The following TBC1D1 variants were observed in gnomAD, a reference collection of about 807,000 sequenced individuals.
TBC1D1 encodes the protein TBC1 domain family member 1, also known as TBC1 (tre-2/USP6, BUB2, cdc16) domain family, member 1.
In TBC1D1, 89 loss-of-function variants were observed where a neutral mutation model predicts 125.6. The ratio of observed to expected loss-of-function variants is 0.71; its 90% confidence interval spans 0.60 to 0.85. The LOEUF (loss-of-function observed/expected upper bound fraction) is 0.85, where lower values mean the gene tolerates loss of function less well. TBC1D1 is among the 40% of genes least tolerant of loss of function. The pLI is 0.00. For synonymous variants in TBC1D1, 565 were observed against 564.1 expected (o/e 1.00, Z -0.02); for missense variants, 1,377 against 1,469.2 (o/e 0.94, Z 1.03).
At chr4:38,067,028 C>T (rs920974371) in intron 12 of TBC1D1, among the ~76,000 whole-genome samples, 27 of 152,126 alleles carry the variant, frequency 1.8e-4, no homozygotes, top group African/African-American at 5.5e-4. Flanking sequence ...AGGTGCGCAC[C>T]ACCACGCCCA....
intron 13 of TBC1D1, among the ~76,000 whole-genome samples, chr4:38,093,508 C>G (rs1219667277): frequency 6.6e-6 from 1 of 150,486 alleles, no homozygotes; most frequent in Non-Finnish European, 1.5e-5. Flanking sequence ...TCCTCCTCTG[C>G]AAGGCCGTTT....
At chr4:38,047,024 C>T (rs926520745) in intron 10 of TBC1D1, among the ~76,000 whole-genome samples, 4 of 152,090 alleles carry the variant, frequency 2.6e-5, no homozygotes, top group African/African-American at 4.8e-5. Flanking sequence ...AACATTGTGG[C>T]GTAGTTCACA....
chr4:38,015,649 A>T (rs963756655), intron 3 of TBC1D1, among the ~76,000 whole-genome samples: 2 of 152,176 alleles, frequency 1.3e-5, no homozygotes, highest in African/African-American at 2.4e-5. Flanking sequence ...CTGTCCCGGC[A>T]GCGAGCCGGT....
At chr4:38,108,057 T>C (rs1560805876) in intron 15 of TBC1D1, among the ~76,000 whole-genome samples, 1 of 152,164 alleles carries the variant, frequency 6.6e-6, no homozygotes, top group Non-Finnish European at 1.5e-5. Context: ...GCCCCACCCA[T>C]CTGCATCCAT....
At chr4:37,893,653 T>C (rs1308820964) in intron 1 of TBC1D1, among the ~76,000 whole-genome samples, 1 of 151,876 alleles carries the variant, frequency 6.6e-6, no homozygotes, top group Non-Finnish European at 1.5e-5. Context: ...ACCCTGTCTC[T>C]ACAAAAATAT....
intron 6 of TBC1D1, among the ~76,000 whole-genome samples, chr4:38,027,520 T>G (rs1230945741): frequency 6.6e-6 from 1 of 152,020 alleles, no homozygotes; most frequent in East Asian, 1.9e-4. Flanking sequence ...TCCCAGGTAC[T>G]GGGGAGGCTG....
chr4:37,923,222 T>C (rs2152276322), intron 2 of TBC1D1, among the ~76,000 whole-genome samples: 1 of 152,310 alleles, frequency 6.6e-6, no homozygotes, highest in East Asian at 1.9e-4. Context: ...TTTCTGTTCC[T>C]GTGTAGTTTG....
intron 15 of TBC1D1, among the ~76,000 whole-genome samples, chr4:38,105,094 G>A: frequency 6.6e-6 from 1 of 152,036 alleles, no homozygotes; most frequent in East Asian, 1.9e-4. Flanking sequence ...TCATCTCTGA[G>A]AAACTTTCCC....
At chr4:37,951,352 T>G (rs1447071571) in intron 2 of TBC1D1, among the ~76,000 whole-genome samples, 1 of 152,222 alleles carries the variant, frequency 6.6e-6, no homozygotes, top group African/African-American at 2.4e-5. Context: ...TGATGGAACC[T>G]GGGAGTTCAT....
chr4:37,990,043 ATT>A (rs1736237198), intron 2 of TBC1D1, among the ~76,000 whole-genome samples: 1 of 152,220 alleles, frequency 6.6e-6, no homozygotes, highest in South Asian at 2.1e-4. Flanking sequence ...GCCAAGTGGT[ATT>A]TTGCGGAAGT....
At chr4:38,009,068 C>T (rs1286135835) in intron 2 of TBC1D1, among the ~76,000 whole-genome samples, 1 of 152,156 alleles carries the variant, frequency 6.6e-6, no homozygotes, top group East Asian at 1.9e-4. Context: ...AAGTGTTTTG[C>T]ATGAAATTTA....
intron 2 of TBC1D1, among the ~76,000 whole-genome samples, chr4:37,905,815 C>T (rs990801237): frequency 6.6e-5 from 10 of 152,292 alleles, no homozygotes; most frequent in South Asian, 2.1e-4. Context: ...TTTAGGATTG[C>T]GCTGGTAAAA....
intron 2 of TBC1D1, among the ~76,000 whole-genome samples, chr4:37,945,925 A>G (rs1394729729): frequency 6.6e-6 from 1 of 152,198 alleles, no homozygotes; most frequent in African/African-American, 2.4e-5. Context: ...ATTCATCTGA[A>G]ACTATGTGGA....
chr4:38,108,265 C>T (rs1761670028), intron 15 of TBC1D1, among the ~76,000 whole-genome samples: 2 of 152,178 alleles, frequency 1.3e-5, no homozygotes, highest in African/African-American at 4.8e-5. Context: ...CTGCTCCCTC[C>T]CTAGCATCCC....
At chr4:38,045,716 CA>C in intron 9 of TBC1D1, 100 bp from the exon 10 acceptor site, 1 of 775,324 alleles carries the variant, frequency 1.3e-6, no homozygotes, top group East Asian at 2.4e-5. Context: ...CAGTAGATAA[CA>C]TTTTTTTCCT....
chr4:37,937,654 A>C (rs556591881), intron 2 of TBC1D1, among the ~76,000 whole-genome samples: 29 of 152,286 alleles, frequency 1.9e-4, no homozygotes, highest in African/African-American at 6.7e-4. Context: ...ACATAAAAAC[A>C]ATAACAATTC....
Position 38,014,442 on chromosome 4 carries a change from G to C in TBC1D1, c.418-67G>C. 1 of 1,490,452 alleles carries C rather than the reference G, an allele frequency of 6.7e-7. No homozygotes were observed. The highest frequency in any genetic ancestry group is 1.2e-5 in the South Asian group (1 of 83,204). The allele number at this position is 1,490,452 out of a possible 1,614,324, so 92.3% of individuals were successfully genotyped here. The stretch of plus-strand genomic sequence containing the variant: ...CAGCGGGGCGTCCCGAAAGAGCATG[G>C]TGCATTCATTCCGTGAGTGCCAGCC... On this transcript the variant is annotated intron_variant, in intron 2 of 19. Transcript: ENST00000261439. The surrounding 1 kb of genome is among the most constrained non-coding windows in gnomAD (Gnocchi z 5.1).
chr4:38,092,762 A>T (rs982991451), intron 13 of TBC1D1, among the ~76,000 whole-genome samples: 1 of 151,708 alleles, frequency 6.6e-6, no homozygotes, highest in African/African-American at 2.4e-5. Context: ...GAAAGAAGTA[A>T]TTATTTTTCC....
At chr4:38,020,040 A>C (rs1308997598) in intron 4 of TBC1D1, among the ~76,000 whole-genome samples, 37 of 152,118 alleles carry the variant, frequency 2.4e-4, no homozygotes, top group Non-Finnish European at 1.5e-5. Context: ...TAAAATGAGC[A>C]CTAAAACTTG....
Sources: allele counts gnomAD v4.1 joint callset (sites outside exome capture counted in the v4.1 genomes callset), GRCh38; gene constraint gnomAD v4.1.1; non-coding constraint Gnocchi (gnomAD v3.1); transcripts MANE v1.5; gene names NCBI Gene and HGNC (gene_info 2026-07-23, HGNC 2026-07-21).